The following CPE variants were observed in gnomAD, a reference collection of about 807,000 sequenced individuals.
The protein encoded by CPE is carbocypeptidase E.
Under a neutral mutation model 53.5 loss-of-function variants are expected in CPE, and 17 were observed. The observed-to-expected ratio is 0.32, with a 90% CI of 0.22 to 0.48. The LOEUF (loss-of-function observed/expected upper bound fraction) is 0.48, where lower values mean the gene tolerates loss of function less well. CPE is among the 20% of genes least tolerant of loss of function. CPE has a pLI of 0.99. For synonymous variants in CPE, 226 were observed against 228.8 expected (o/e 0.99, Z 0.11); for missense variants, 524 against 614.7 (o/e 0.85, Z 1.56).
At position 165,379,025 on chromosome 4, in the gene CPE, A is replaced by G; in HGVS notation, c.-197A>G. The stretch of plus-strand genomic sequence containing the variant: ...CCGCGGCCAGTAGTGCAGCCCGTGG[A>G]GCCGCGGCTTTGCCCGTCTCCTCTG... On this transcript the variant is annotated 5_prime_UTR_variant, in exon 1 of 9. Coordinates refer to ENST00000402744, the MANE Select transcript of CPE (RefSeq NM_001873.4). This position sits in a 1 kb window ranked among gnomAD's most constrained non-coding sequence, Gnocchi z 6.0. 2 of 393,794 alleles carry G rather than the reference A, an allele frequency of 5.1e-6. No individual in the cohort carries two copies. The highest frequency in any genetic ancestry group is 8.4e-6 in the Non-Finnish European group (2 of 237,402). 24.4% of individuals were successfully genotyped at this position (393,794 alleles called of 1,614,324 possible).
chr4:165,471,081 A>G (rs1026272630), intron 3 of CPE, among the ~76,000 whole-genome samples: 10 of 152,152 alleles, frequency 6.6e-5, no homozygotes, highest in African/African-American at 2.4e-4. Flanking sequence ...GATTTAGAAG[A>G]ATGTCAAAAT....
rs2126652576 is a variant in CPE at position 165,386,385 on chromosome 4, A to G, written c.307+6857A>G. The G allele has an allele frequency of 9.6e-6, 4 of 415,848 alleles. No individual in the cohort carries two copies. The Middle Eastern group carries it at 3.1e-3, about 323-fold the overall frequency. The allele number at this position is 415,848 out of a possible 1,614,324, so 25.8% of individuals were successfully genotyped here. On this transcript the variant is annotated intron_variant, in intron 1 of 8. Transcript: ENST00000402744. ...GTATTATGCTTGGGACATAGTGGCC[A>G]CTCAGTGAATATGTTTGAATAAATG...
intron 1 of CPE, among the ~76,000 whole-genome samples, chr4:165,448,645 A>T (rs952800273): frequency 6.6e-5 from 10 of 151,848 alleles, no homozygotes; most frequent in African/African-American, 2.4e-4. Flanking sequence ...CAAAAAAAAA[A>T]CCCTTCTTTT....
rs1732427180 is a variant in CPE, at chr4:165,482,282, A to G, written c.713A>G (p.Asp238Gly). 6.2e-7 allele frequency: 1 copy of G among 1,613,854 alleles called. No individual in the cohort carries two copies. The highest frequency in any genetic ancestry group is 8.5e-7 in the Non-Finnish European group (1 of 1,179,900). ...AAGGCTGTCATTCATTGGATTATGG[A>G]TATTCCTTTTGTGCTTTCTGCCAAT... ...ETKAVIHWIM[D>G]IPFVLSANLH... Residue 238 changes from aspartate to glycine, a missense_variant, in exon 4 of 9, where the codon GAT becomes GGT. Physicochemically the swap from Asp to Gly is moderately conservative, Grantham distance 94. Transcript: ENST00000402744.
chr4:165,419,699 A>G (rs1047731318), intron 1 of CPE, among the ~76,000 whole-genome samples: 1 of 152,272 alleles, frequency 6.6e-6, no homozygotes, highest in East Asian at 1.9e-4. Context: ...GCCATTGTCC[A>G]TTGACTCCTT....
chr4:165,475,692 G>A (rs964869149), intron 3 of CPE, among the ~76,000 whole-genome samples: 1 of 152,152 alleles, frequency 6.6e-6, no homozygotes, highest in African/African-American at 2.4e-5. Context: ...AGTTGAAAAA[G>A]CAGAGGAAAC....
At chr4:165,381,369 T>C in intron 1 of CPE, 1 of 454,828 alleles carries the variant, frequency 2.2e-6, no homozygotes, top group Non-Finnish European at 4.4e-6. Context: ...TATGAAATAA[T>C]CTACATTATG....
intron 1 of CPE, among the ~76,000 whole-genome samples, chr4:165,402,682 A>G (rs1322097361): frequency 1.3e-5 from 2 of 152,208 alleles, no homozygotes; most frequent in Admixed American, 6.5e-5. Flanking sequence ...CGCAAGCACC[A>G]TGCTTGTACA....
intron 7 of CPE, among the ~76,000 whole-genome samples, chr4:165,494,985 T>G (rs932841043): frequency 6.6e-6 from 1 of 152,216 alleles, no homozygotes; most frequent in African/African-American, 2.4e-5. Context: ...ATGCAGAACC[T>G]GGGAGCTGGA....
intron 1 of CPE, among the ~76,000 whole-genome samples, chr4:165,461,748 C>T (rs936676469): frequency 8.5e-5 from 13 of 152,060 alleles, no homozygotes; most frequent in Non-Finnish European, 1.8e-4. Flanking sequence ...AGTGTCTGAC[C>T]CTGGGATTTG....
chr4:165,427,926 G>A (rs1775203563), intron 1 of CPE, among the ~76,000 whole-genome samples: 2 of 152,122 alleles, frequency 1.3e-5, no homozygotes, highest in Admixed American at 6.5e-5. Flanking sequence ...TATAAATAAT[G>A]TTGTTTATTA....
intron 1 of CPE, among the ~76,000 whole-genome samples, chr4:165,387,732 C>A (rs577524541): frequency 6.6e-6 from 1 of 152,320 alleles, no homozygotes; most frequent in South Asian, 2.1e-4. Flanking sequence ...TCGCTTGAAC[C>A]TGGGAGGCGG....
chr4:165,402,297 T>G (rs1340914982), intron 1 of CPE, among the ~76,000 whole-genome samples: 2 of 152,228 alleles, frequency 1.3e-5, no homozygotes, highest in Non-Finnish European at 2.9e-5. Context: ...TGGTCCCATT[T>G]GTAACCTTTA....
intron 1 of CPE, among the ~76,000 whole-genome samples, chr4:165,439,766 A>G (rs1051439725): frequency 6.6e-6 from 1 of 152,096 alleles, no homozygotes; most frequent in African/African-American, 2.4e-5. Context: ...TATATAAAAG[A>G]TAGGGGCAGC....
chr4:165,387,546 C>T (rs1730612874), intron 1 of CPE, among the ~76,000 whole-genome samples: 2 of 152,082 alleles, frequency 1.3e-5, no homozygotes, highest in Non-Finnish European at 2.9e-5. Context: ...CGTGGTGTCT[C>T]ACACCTGTAA....
chr4:165,442,400 C>G (rs1731630322), intron 1 of CPE, among the ~76,000 whole-genome samples: 1 of 152,110 alleles, frequency 6.6e-6, no homozygotes, highest in East Asian at 1.9e-4. Context: ...CTAGTGTATC[C>G]ACAGTACTAC....
chr4:165,497,474 C>A, intron 8 of CPE, 38 bp from the exon 9 acceptor site: 1 of 1,154,334 alleles, frequency 8.7e-7, no homozygotes, highest in African/African-American at 1.6e-5. Context: ...AAAACACATG[C>A]AGTTTGATAA....
chr4:165,404,517 C>T, intron 1 of CPE: 1 of 835,838 alleles, frequency 1.2e-6, no homozygotes. Context: ...TCTGGGTTTC[C>T]ACCTCCAAAC....
chr4:165,430,459 T>A (rs1397590733), intron 1 of CPE, among the ~76,000 whole-genome samples: 1 of 152,192 alleles, frequency 6.6e-6, no homozygotes, highest in East Asian at 1.9e-4. Flanking sequence ...TTCACTGACA[T>A]TTTATTGGTA....
Sources: gnomAD v4.1 joint callset for allele counts (sites outside exome capture counted in the v4.1 genomes callset) on GRCh38, gnomAD v4.1.1 for gene constraint, Gnocchi (gnomAD v3.1) non-coding constraint, MANE v1.5 for transcripts, NCBI Gene and HGNC (gene_info 2026-07-23, HGNC 2026-07-21) for gene names.